Variants in CTNNB1 observed in about 807,000 individuals in gnomAD.
CTNNB1 encodes the protein catenin beta 1.
In CTNNB1, 6 loss-of-function variants were observed where a neutral mutation model predicts 82.5. The ratio of observed to expected loss-of-function variants is 0.07; its 90% CI spans 0.04 to 0.14. The LOEUF is 0.14. Ranked by LOEUF, CTNNB1 falls within the 10% of genes least tolerant of loss-of-function variation. CTNNB1 has a pLI of 1.00. For missense variants in CTNNB1, 529 were observed against 980.4 expected (o/e 0.54, Z 6.15); for synonymous variants, 312 against 329.7 (o/e 0.95, Z 0.58).
chr3:41,237,778 A>G (rs2078473997), intron 13 of CTNNB1: 2 of 510,980 alleles, frequency 3.9e-6, no homozygotes, highest in Admixed American at 3.3e-5. Context: ...GGTGCTTAAT[A>G]TAATATTTGT....
At position 41,225,476 on chromosome 3, in the gene CTNNB1, G is replaced by T; in HGVS notation, c.638G>T (p.Cys213Phe). 2.5e-6 allele frequency: 4 copies of T among 1,614,000 alleles called. No homozygotes were observed. The highest frequency in any genetic ancestry group is 3.4e-6 in the Non-Finnish European group (4 of 1,179,984). Residue 213 changes from cysteine to phenylalanine, a missense_variant, in exon 5 of 15, where the codon TGT (cysteine) becomes TTT (phenylalanine). Physicochemically the swap from Cys to Phe is radical, Grantham distance 205. Coordinates refer to ENST00000349496, the MANE Select transcript of CTNNB1 (RefSeq NM_001904.4). This position sits in a 1 kb window ranked among gnomAD's most constrained non-coding sequence, Gnocchi z 5.3. Reference sequence around the variant, plus strand: ...ACAAATGATGTAGAAACAGCTCGTTGTACCGCTGGGACCTTGCATAACCTT... The same window carrying T: ...ACAAATGATGTAGAAACAGCTCGTTTTACCGCTGGGACCTTGCATAACCTT... ...QNTNDVETAR[C>F]TAGTLHNLSH...
In CTNNB1 at chr3:41,225,229, T is replaced by C. The variant is rs767618644; in HGVS notation, c.495+22T>C. 3 of 1,614,008 alleles carry C rather than the reference T, an allele frequency of 1.9e-6. No homozygotes were observed. In the Admixed American group the frequency reaches 5.0e-5, roughly 27 times the overall value. On this transcript the variant is annotated intron_variant, in intron 4 of 14. Transcript: ENST00000349496. The surrounding 1 kb of genome is among the most constrained non-coding windows in gnomAD (Gnocchi z 5.3). ...CCAGGTAAGCAATGACATAGCTAGCTTTTTAGTCTGCTTTGAAGTAAATGC... is the reference window on the plus strand; with the variant it reads ...CCAGGTAAGCAATGACATAGCTAGCCTTTTAGTCTGCTTTGAAGTAAATGC...
rs1469316974 is a variant in CTNNB1, at chr3:41,240,043, T to TTAAG, written c.*703_*706dup. 2.4e-5 allele frequency: 5 copies of TTAAG among 209,322 alleles called. No homozygotes were observed. The highest frequency in any genetic ancestry group is 7.0e-5 in the African/African-American group (3 of 42,946). The allele number at this position is 209,322 out of a possible 1,614,324, so 13.0% of individuals were successfully genotyped here. ...ACTGTTTTTTAAGTCTCTCGTAGTGTTAAGTTATAGTGAATACTGCTACAG... is the reference window on the plus strand; with the variant it reads ...ACTGTTTTTTAAGTCTCTCGTAGTGTTAAGTAAGTTATAGTGAATACTGCTACAG... On this transcript the variant is annotated 3_prime_UTR_variant, in exon 15 of 15. Transcript: ENST00000349496.
intron 1 of CTNNB1, among the ~76,000 whole-genome samples, chr3:41,207,654 A>C (rs980717886): frequency 5.9e-5 from 9 of 152,148 alleles, no homozygotes; most frequent in African/African-American, 2.2e-4. Context: ...CTTATCCCCC[A>C]GACTCTAATC....
chr3:41,225,090 T>C lies in CTNNB1; in HGVS notation c.378T>C (p.Ala126=), dbSNP rs1348802029. 3 of 1,614,136 alleles carry C rather than the reference T, an allele frequency of 1.9e-6. No homozygotes were observed. The highest frequency in any genetic ancestry group is 2.2e-5 in the East Asian group (1 of 44,876). Residue 126 remains alanine (A), a synonymous_variant, in exon 4 of 15, where the codon GCT becomes GCC. Transcript: ENST00000349496. This position sits in a 1 kb window ranked among gnomAD's most constrained non-coding sequence, Gnocchi z 5.3. ...ATCCCACTAATGTCCAGCGTTTGGC[T>C]GAACCATCACAGATGCTGAAACATG... ...AAHPTNVQRL[A]EPSQMLKHAV...
chr3:41,235,069 CTT>C (rs2078403916), intron 10 of CTNNB1: 2 of 153,808 alleles, frequency 1.3e-5, no homozygotes. Context: ...TTTTAAATCT[CTT>C]TTCTAGGAAG....
Position 41,215,382 on chromosome 3 carries a change from CAAAAAA to C in CTNNB1, c.-48-8622_-48-8617del, listed in dbSNP as rs35166040. On this transcript the variant is annotated intron_variant, in intron 1 of 14. Coordinates refer to ENST00000349496, the MANE Select transcript of CTNNB1 (RefSeq NM_001904.4). ...TGGGCAACAGAGTGAAACACCATCT[CAAAAAA>C]AAAAAAAAAAAAAAAACACTCTTAG... is the stretch of plus-strand genomic sequence containing the variant. Among the ~76,000 whole-genome samples the C allele has an allele frequency of 1.0e-4, 5 of 48,848 alleles. No homozygotes were observed. The East Asian group carries it at 2.4e-3, about 23-fold the overall frequency. The allele number at this position is 48,848 out of a possible 152,430, so 32.0% of individuals were successfully genotyped here.
intron 7 of CTNNB1, among the ~76,000 whole-genome samples, chr3:41,230,423 C>G (rs984243000): frequency 1.3e-5 from 2 of 152,138 alleles, no homozygotes; most frequent in Non-Finnish European, 2.9e-5. Flanking sequence ...TCTTTAAGTT[C>G]TTCCAGGTTA....
chr3:41,228,959 G>A (rs943811903), intron 7 of CTNNB1, among the ~76,000 whole-genome samples: 2 of 152,144 alleles, frequency 1.3e-5, no homozygotes, highest in East Asian at 1.9e-4. Flanking sequence ...AGTTATCCCA[G>A]CACCATTTAT....
In CTNNB1 at chr3:41,233,820, G is replaced by T; in HGVS notation, c.1477G>T (p.Val493Phe). ...NAVRLHYGLPVVVKLLHPPSH... is the reference protein window; with the variant it reads ...NAVRLHYGLPFVVKLLHPPSH... The stretch of plus-strand genomic sequence containing the variant: ...AGTTCGCCTTCACTATGGACTACCA[G>T]TTGTGGTTAAGCTCTTACACCCACC... The change falls in exon 9 of 15, where the codon GTT becomes TTT. Residue 493 changes from valine (V) to phenylalanine (F), a missense_variant. By Grantham distance (50) the Val-to-Phe change is conservative. Transcript: ENST00000349496. 6.2e-7 allele frequency: 1 copy of T among 1,613,656 alleles called. No individual in the cohort carries two copies. The highest frequency in any genetic ancestry group is 8.5e-7 in the Non-Finnish European group (1 of 1,179,664).
chr3:41,218,449 A>T (rs2077963645), intron 1 of CTNNB1, among the ~76,000 whole-genome samples: 1 of 152,218 alleles, frequency 6.6e-6, no homozygotes, highest in Non-Finnish European at 1.5e-5. Context: ...TCTCGTATGT[A>T]TCTCATTTTA....
rs768978318 is a variant in CTNNB1, at chr3:41,233,652, A to G, written c.1309A>G (p.Met437Val). ...TTGCAATAATTATAAGAACAAGATG[A>G]TGGTCTGCCAAGTGGGTGGTATAGA... Reference protein sequence around the residue: ...LTCNNYKNKMMVCQVGGIEAL... With the variant: ...LTCNNYKNKMVVCQVGGIEAL... Residue 437 changes from methionine to valine, a missense_variant, in exon 9 of 15, where the codon ATG (methionine) becomes GTG (valine). Met to Val is a conservative substitution (Grantham distance 21). Transcript: ENST00000349496. The G allele has an allele frequency of 6.2e-7, 1 of 1,614,156 alleles. No individual in the cohort carries two copies.
Position 41,235,768 on chromosome 3 carries a change from C to T in CTNNB1, c.1728C>T (p.Ala576=), listed in dbSNP as rs1327668035. 2.5e-6 allele frequency: 4 copies of T among 1,614,066 alleles called. No homozygotes were observed. In the South Asian group the frequency reaches 4.4e-5, roughly 18 times the overall value. ...MEEIVEGCTG[A]LHILARDVHN... is the part of the protein sequence containing the mutation. ...AAATAGTTGAAGGTTGTACCGGAGC[C>T]CTTCACATCCTAGCTCGGGATGTTC... Residue 576 remains alanine (A), a synonymous_variant, in exon 11 of 15, where the codon GCC becomes GCT. Coordinates refer to ENST00000349496, the MANE Select transcript of CTNNB1 (RefSeq NM_001904.4).
intron 7 of CTNNB1, chr3:41,233,137 A>G (rs1332279370): frequency 3.2e-6 from 2 of 624,952 alleles, no homozygotes; most frequent in Admixed American, 2.7e-5. Context: ...TAGCTATTTG[A>G]GAGTTTGTCA....
rs2125619705 is a variant in CTNNB1 at position 41,224,973 on chromosome 3, A to G, written c.261A>G (p.Ala87=). 6.2e-7 allele frequency: 1 copy of G among 1,614,112 alleles called. No homozygotes were observed. The highest frequency in any genetic ancestry group is 2.2e-5 in the East Asian group (1 of 44,888). Residue 87 remains alanine (A), a synonymous_variant, in exon 4 of 15, where the codon GCA becomes GCG. Coordinates refer to ENST00000349496, the MANE Select transcript of CTNNB1 (RefSeq NM_001904.4). ...EQVADIDGQY[A]MTRAQRVRAA... The stretch of plus-strand genomic sequence containing the variant: ...TTCCAGATATTGATGGACAGTATGC[A>G]ATGACTCGAGCTCAGAGGGTACGAG...
intron 1 of CTNNB1, among the ~76,000 whole-genome samples, chr3:41,201,051 A>T (rs2077518208): frequency 6.6e-6 from 1 of 152,220 alleles, no homozygotes; most frequent in Non-Finnish European, 1.5e-5. Flanking sequence ...ATTTCCTTTC[A>T]TAAAGTCTAG....
chr3:41,234,560 C>T (rs149251539), intron 10 of CTNNB1: 13 of 480,602 alleles, frequency 2.7e-5, no homozygotes, highest in African/African-American at 2.3e-4. Flanking sequence ...AAAGTGTTCT[C>T]ATTTAATTTA....
intron 1 of CTNNB1, among the ~76,000 whole-genome samples, chr3:41,207,990 T>TTA (rs1376716009): frequency 7.9e-5 from 12 of 152,232 alleles, no homozygotes; most frequent in Non-Finnish European, 1.2e-4. Context: ...TGTGATCAAA[T>TTA]TATACCACCC....
intron 14 of CTNNB1, chr3:41,238,344 C>A: frequency 2.3e-6 from 1 of 437,082 alleles, no homozygotes. Flanking sequence ...TACAATTTAC[C>A]TGGCTTTTTA....
Sources: gnomAD v4.1 joint callset for allele counts (sites outside exome capture counted in the v4.1 genomes callset) on GRCh38, gnomAD v4.1.1 for gene constraint, Gnocchi (gnomAD v3.1) non-coding constraint, MANE v1.5 for transcripts, NCBI Gene and HGNC (gene_info 2026-07-23, HGNC 2026-07-21) for gene names.